BDH1: variants seen among roughly 807,000 people sequenced by gnomAD.
BDH1 encodes D-beta-hydroxybutyrate dehydrogenase, mitochondrial.
Under a neutral mutation model 33.1 loss-of-function variants are expected in BDH1, and 30 were observed. That is an observed-to-expected ratio of 0.91 (90% CI 0.68 to 1.23). The LOEUF (loss-of-function observed/expected upper bound fraction) is 1.23. Ranked by LOEUF, BDH1 falls within the 50% of genes most tolerant of loss-of-function variation. BDH1 has a pLI of 0.00. For synonymous variants in BDH1, 190 were observed against 183.6 expected (o/e 1.03, Z -0.28); for missense variants, 443 against 464.4 (o/e 0.95, Z 0.42).
chr3:197,546,770 G>A (rs929199249), intron 2 of BDH1, among the ~76,000 whole-genome samples: 4 of 152,188 alleles, frequency 2.6e-5, no homozygotes, highest in Non-Finnish European at 5.9e-5. Context: ...TTCATAATGT[G>A]AGCAGGTTGG....
At chr3:197,546,300 G>A in intron 3 of BDH1, 61 bp downstream of exon 3, 1 of 1,548,162 alleles carries the variant, frequency 6.5e-7, no homozygotes, top group Admixed American at 1.7e-5. Flanking sequence ...GTCCATGTGT[G>A]AAAACCTCTG....
chr3:197,552,010 T>G (rs929125493), intron 2 of BDH1, among the ~76,000 whole-genome samples: 2 of 152,208 alleles, frequency 1.3e-5, no homozygotes, highest in African/African-American at 2.4e-5. Flanking sequence ...ACGATTCACA[T>G]GCCGCCAACT....
Position 197,522,523 on chromosome 3 carries a change from TA to T in BDH1, c.409+116del. ...CTCCTACTGTGCAGGAGGAAGAGCC[TA>T]AACAATAAGGAAGGGAGTGTGGTGG... On this transcript the variant is annotated intron_variant, in intron 6 of 7. Transcript: ENST00000392379. The surrounding 1 kb of genome is among the most constrained non-coding windows in gnomAD (Gnocchi z 4.8). 7.3e-7 allele frequency: 1 copy of T among 1,372,934 alleles called. No individual in the cohort carries two copies. Among genetic ancestry groups the T allele is most frequent in the Non-Finnish European group, 1.0e-6 (1 of 992,582 alleles). The allele number at this position is 1,372,934 out of a possible 1,614,324, so 85.0% of individuals were successfully genotyped here.
At chr3:197,565,782 G>T (rs1477968476) in intron 1 of BDH1, among the ~76,000 whole-genome samples, 1 of 152,030 alleles carries the variant, frequency 6.6e-6, no homozygotes, top group Non-Finnish European at 1.5e-5. Flanking sequence ...CTTAGAAAGT[G>T]GTTTTATAAT....
intron 3 of BDH1, among the ~76,000 whole-genome samples, chr3:197,540,654 G>A (rs1715536938): frequency 6.6e-6 from 1 of 152,132 alleles, no homozygotes; most frequent in Non-Finnish European, 1.5e-5. Context: ...GGGCGAGAGT[G>A]AGACCTGTCT....
intron 4 of BDH1, among the ~76,000 whole-genome samples, chr3:197,532,938 C>T (rs966873087): frequency 1.3e-5 from 2 of 152,272 alleles, no homozygotes; most frequent in African/African-American, 2.4e-5. Flanking sequence ...GGGCAATGGC[C>T]AGTCTCGGCT....
rs558250036 is a variant in BDH1, at chr3:197,551,764, C to T, written c.-44+2798G>A. Among the ~76,000 whole-genome samples the T allele has an allele frequency of 2.5e-4, 38 of 152,254 alleles. 1 individual carries two copies. In the South Asian group the frequency reaches 4.1e-3, roughly 17 times the overall value. ...TGCCTCATTTATAATGACCTTATAA[C>T]GACACTGGAACCTGTGCTTCCCCCA... On this transcript the variant is annotated intron_variant, in intron 2 of 7. Transcript: ENST00000392379.
chr3:197,525,062 T>A lies in BDH1; in HGVS notation c.268-2281A>T, dbSNP rs924958411. Among the ~76,000 whole-genome samples, 2 of 152,010 alleles carry A rather than the reference T, an allele frequency of 1.3e-5. No individual in the cohort carries two copies. Among genetic ancestry groups the A allele is most frequent in the African/African-American group, 4.8e-5 (2 of 41,382 alleles). On this transcript the variant is annotated intron_variant, in intron 5 of 7. Coordinates refer to ENST00000392379, the MANE Select transcript of BDH1 (RefSeq NM_203314.3). This position sits in a 1 kb window ranked among gnomAD's most constrained non-coding sequence, Gnocchi z 4.9. ...GACCTTCCCAAACAAGACGCAGGCA[T>A]GAGATGCACGGGACAGATGGGCCTG...
rs1713968554 is a variant in BDH1, at chr3:197,525,169, G to A, written c.268-2388C>T. Among the ~76,000 whole-genome samples the A allele has an allele frequency of 6.6e-6, 1 of 152,156 alleles. No homozygotes were observed. Among genetic ancestry groups the A allele is most frequent in the African/African-American group, 2.4e-5 (1 of 41,434 alleles). On this transcript the variant is annotated intron_variant, in intron 5 of 7. Coordinates refer to ENST00000392379, the MANE Select transcript of BDH1 (RefSeq NM_203314.3). The surrounding 1 kb of genome is among the most constrained non-coding windows in gnomAD (Gnocchi z 4.9). ...CAGGTCTAGGGTGTGATGACGTGGTGCCTGCAGACCCCTCTCTTCCACAGG... is the reference window on the plus strand; with the variant it reads ...CAGGTCTAGGGTGTGATGACGTGGTACCTGCAGACCCCTCTCTTCCACAGG...
In BDH1 at chr3:197,533,501, A is replaced by G. The variant is rs901650503; in HGVS notation, c.144T>C (p.Ser48=). 3 of 1,614,232 alleles carry G rather than the reference A, an allele frequency of 1.9e-6. No individual in the cohort carries two copies. The highest frequency in any genetic ancestry group is 2.2e-5 in the East Asian group (1 of 44,884). The change falls in exon 4 of 8, where the codon AGT becomes AGC. Residue 48 remains serine, a synonymous_variant. Transcript: ENST00000392379. ...FIPIGRRTYA[S]AAEPVGSKAV... ...GGCTTCCACTCACCGGCTCCGCCGC[A>G]CTGGCATAAGTCCGACGGCCAATCG...
At position 197,522,407 on chromosome 3, in the gene BDH1, G is replaced by A. The variant is rs1713650433; in HGVS notation, c.409+233C>T. Among the ~76,000 whole-genome samples the A allele has an allele frequency of 6.6e-6, 1 of 152,198 alleles. No homozygotes were observed. The highest frequency in any genetic ancestry group is 2.1e-4 in the South Asian group (1 of 4,832). ...CTGAACTGACCTGAATCAGTGCGTA[G>A]CCACCTAGCACTCCGTGAACTCTGA... On this transcript the variant is annotated intron_variant, in intron 6 of 7. Coordinates refer to ENST00000392379, the MANE Select transcript of BDH1 (RefSeq NM_203314.3). This position sits in a 1 kb window ranked among gnomAD's most constrained non-coding sequence, Gnocchi z 4.8.
chr3:197,540,536 G>T (rs1001906073), intron 3 of BDH1, among the ~76,000 whole-genome samples: 21 of 151,922 alleles, frequency 1.4e-4, no homozygotes, highest in African/African-American at 5.1e-4. Flanking sequence ...GGGCGTGGTG[G>T]CACACGCCTA....
At chr3:197,527,206 C>T (rs1011003146) in intron 5 of BDH1, among the ~76,000 whole-genome samples, 5 of 152,196 alleles carry the variant, frequency 3.3e-5, no homozygotes, top group African/African-American at 9.7e-5. Flanking sequence ...GTGATGTTCA[C>T]AGGATGGGCA....
chr3:197,569,558 G>A (rs1471396468), intron 1 of BDH1, among the ~76,000 whole-genome samples: 1 of 152,106 alleles, frequency 6.6e-6, no homozygotes, highest in East Asian at 1.9e-4. Flanking sequence ...AATCATGAGG[G>A]TAGTTTCCCC....
intron 1 of BDH1, among the ~76,000 whole-genome samples, chr3:197,567,909 G>A (rs1025603829): frequency 4.6e-5 from 7 of 152,172 alleles, no homozygotes; most frequent in Non-Finnish European, 1.0e-4. Context: ...TTCTCAGTCA[G>A]AATGAAGTAC....
intron 3 of BDH1, among the ~76,000 whole-genome samples, chr3:197,537,856 C>T (rs1715289766): frequency 6.6e-6 from 1 of 152,144 alleles, no homozygotes; most frequent in Admixed American, 6.5e-5. Context: ...GGAACAAACC[C>T]ACTTGTTCTG....
rs61663838 is a variant in BDH1 at position 197,531,409 on chromosome 3, TA to T, written c.267+1002del. On this transcript the variant is annotated intron_variant, in intron 5 of 7. Transcript: ENST00000392379. The stretch of plus-strand genomic sequence containing the variant: ...AAGACTCTGTCTCAAAAACATAAAT[TA>T]AAAAAAAAATATATATATATATATA... Among the ~76,000 whole-genome samples, 626 of 139,006 alleles carry T rather than the reference TA, an allele frequency of 4.5e-3. 1 individual carries two copies. Among genetic ancestry groups the T allele is most frequent in the African/African-American group, 0.011 (417 of 37,540 alleles). The allele number at this position is 139,006 out of a possible 152,430, so 91.2% of individuals were successfully genotyped here. A position where few individuals can be genotyped will look rare whatever the true frequency, so the allele number is the denominator to read the frequency against.
intron 1 of BDH1, among the ~76,000 whole-genome samples, chr3:197,562,316 C>T (rs747096806): frequency 5.5e-4 from 83 of 152,076 alleles, no homozygotes; most frequent in Non-Finnish European, 1.1e-3. Flanking sequence ...CTTTTTCTCC[C>T]ATAATTAATC....
chr3:197,533,224 G>C (rs1399271806), intron 4 of BDH1, among the ~76,000 whole-genome samples: 1 of 133,654 alleles, frequency 7.5e-6, no homozygotes, highest in Non-Finnish European at 1.5e-5. Flanking sequence ...GGGGCTGGGA[G>C]TTCTCGCCCC....
Sources: gnomAD v4.1 joint callset for allele counts (sites outside exome capture counted in the v4.1 genomes callset) on GRCh38, gnomAD v4.1.1 for gene constraint, Gnocchi (gnomAD v3.1) non-coding constraint, MANE v1.5 for transcripts, NCBI Gene and HGNC (gene_info 2026-07-23, HGNC 2026-07-21) for gene names.